Variants in FRMD8 observed in about 807,000 individuals in gnomAD.
FRMD8 encodes the protein FERM domain containing 8, also known as FERM domain-containing protein 8.
A neutral mutation model predicts 54.2 loss-of-function variants in FRMD8; 37 were observed. The observed-to-expected ratio is 0.68, with a 90% CI of 0.53 to 0.90. FRMD8 has a LOEUF of 0.90. Among genes scored for constraint, FRMD8 ranks in the 40% least tolerant of loss-of-function variants. The pLI, the probability that FRMD8 is intolerant of heterozygous loss-of-function variation, is 0.00. For synonymous variants in FRMD8, 246 were observed against 286.9 expected (o/e 0.86, Z 1.44); for missense variants, 585 against 653.7 (o/e 0.89, Z 1.15).
chr11:65,372,457 C>T, the FRMD8 span, among the ~76,000 whole-genome samples: 5 of 152,116 alleles, frequency 3.3e-5, no homozygotes, highest in Non-Finnish European at 7.3e-5. Flanking sequence ...CTGAGTCTGG[C>T]CACTCTCTCT....
At chr11:65,396,614 G>A (rs74371929) in intron 6 of FRMD8, among the ~76,000 whole-genome samples, 185 bp from the exon 7 acceptor site, 54 of 152,272 alleles carry the variant, frequency 3.5e-4, no homozygotes, top group African/African-American at 1.3e-3. Flanking sequence ...CCCTTCGGAG[G>A]GGGGCCGAGA....
intron 6 of FRMD8, among the ~76,000 whole-genome samples, chr11:65,395,465 G>C (rs1565602489): frequency 1.3e-5 from 2 of 152,202 alleles, no homozygotes; most frequent in African/African-American, 4.8e-5. Flanking sequence ...CTTGAACTTG[G>C]CAGATGGAGG....
At position 65,411,599 on chromosome 11, in the gene FRMD8, CT is replaced by C. The variant is rs1856335981; in HGVS notation, c.*240del. 2.4e-6 allele frequency: 1 copy of C among 415,004 alleles called. No homozygotes were observed. Among genetic ancestry groups the C allele is most frequent in the South Asian group, 4.5e-5 (1 of 22,032 alleles). The allele number at this position is 415,004 out of a possible 1,614,324, so 25.7% of individuals were successfully genotyped here. Reference sequence around the variant, plus strand: ...AGCCTGCCCTCCCTTCCCCCGGATGCTGGGCCCTGCTGCTCTCTCAGGACCA... The same window carrying C: ...AGCCTGCCCTCCCTTCCCCCGGATGCGGGCCCTGCTGCTCTCTCAGGACCA... On this transcript the variant is annotated 3_prime_UTR_variant, in exon 11 of 11. Coordinates refer to ENST00000317568, the MANE Select transcript of FRMD8 (RefSeq NM_031904.5).
chr11:65,376,335 A>G, the FRMD8 span: 4 of 1,551,840 alleles, frequency 2.6e-6, no homozygotes, highest in African/African-American at 1.4e-5. Context: ...CAAGCTTTCA[A>G]CCTGGCCTCC....
chr11:65,385,582 C>G (rs752810489), upstream of FRMD8, among the ~76,000 whole-genome samples: 7 of 152,158 alleles, frequency 4.6e-5, no homozygotes, highest in African/African-American at 7.2e-5. Context: ...TTCCACATCT[C>G]AGATGCACAC....
intron 2 of FRMD8, among the ~76,000 whole-genome samples, chr11:65,387,455 A>T (rs1021944127): frequency 6.6e-6 from 1 of 152,074 alleles, no homozygotes; most frequent in Non-Finnish European, 1.5e-5. Flanking sequence ...ACATGTGCCC[A>T]GGAGTTCGAG....
intron 10 of FRMD8, among the ~76,000 whole-genome samples, chr11:65,407,378 AGT>A (rs759965429): frequency 1.3e-5 from 2 of 151,646 alleles, no homozygotes; most frequent in Non-Finnish European, 1.5e-5. Context: ...CAGCCTCCCT[AGT>A]AGCTGGGATT....
At chr11:65,386,436 G>A (rs949956463), upstream of FRMD8, among the ~76,000 whole-genome samples, 4 of 152,350 alleles carry the variant, frequency 2.6e-5, no homozygotes, top group South Asian at 4.1e-4. Flanking sequence ...GGGCCTTTGT[G>A]AAGGGAAACT....
chr11:65,380,575 C>A, the FRMD8 span: 1 of 1,302,284 alleles, frequency 7.7e-7, no homozygotes, highest in Admixed American at 2.3e-5. Context: ...CTCATAATGT[C>A]GTCGCCGGGA....
chr11:65,375,667 A>AG, the FRMD8 span: 1 of 152,310 alleles, frequency 6.6e-6, no homozygotes, highest in East Asian at 1.9e-4. Context: ...ATTCTGGGGG[A>AG]GGAGACATAG....
In FRMD8 at chr11:65,411,320, A is replaced by G. The variant is rs1856325721; in HGVS notation, c.1355A>G (p.Tyr452Cys). 1 of 1,607,744 alleles carries G rather than the reference A, an allele frequency of 6.2e-7. No homozygotes were observed. The change falls in exon 11 of 11, where the codon TAC (tyrosine) becomes TGC (cysteine). Residue 452 changes from tyrosine to cysteine, a missense_variant. Transcript: ENST00000317568. Reference protein sequence around the residue: ...SRQLSLGQGSYTVVQPGDSLE... With the variant: ...SRQLSLGQGSCTVVQPGDSLE... ...CAGCTGTCCTTGGGCCAGGGGAGCT[A>G]CACCGTGGTGCAGCCCGGCGACAGC...
At chr11:65,407,665 C>T (rs1229739086) in intron 10 of FRMD8, among the ~76,000 whole-genome samples, 1 of 151,772 alleles carries the variant, frequency 6.6e-6, no homozygotes, top group Non-Finnish European at 1.5e-5. Flanking sequence ...CCAAGGTGGG[C>T]AGATCACGAG....
chr11:65,396,721 GC>G, intron 6 of FRMD8, 77 bp from the exon 7 acceptor site: 1 of 939,376 alleles, frequency 1.1e-6, no homozygotes, highest in East Asian at 3.1e-5. Flanking sequence ...CCTCCAGGCA[GC>G]CTTGCTTCCC....
chr11:65,400,902 G>A lies in FRMD8; in HGVS notation c.1071+35G>A. 6.4e-7 allele frequency: 1 copy of A among 1,557,132 alleles called. No homozygotes were observed. Among genetic ancestry groups the A allele is most frequent in the Non-Finnish European group, 8.7e-7 (1 of 1,150,712 alleles). ...GTGGTGCCTGCACACGGGTGGGGAG[G>A]CTGGGCCCAGGTGCCCTGGGTCCCA... On this transcript the variant is annotated intron_variant, in intron 9 of 10. Transcript: ENST00000317568. This position sits in a 1 kb window ranked among gnomAD's most constrained non-coding sequence, Gnocchi z 4.3.
At position 65,399,831 on chromosome 11, in the gene FRMD8, G is replaced by T. The variant is rs759790849; in HGVS notation, c.899G>T (p.Gly300Val). Residue 300 changes from glycine (G) to valine (V), a missense_variant, in exon 8 of 11, where the codon GGC (glycine) becomes GTC (valine). Coordinates refer to ENST00000317568, the MANE Select transcript of FRMD8 (RefSeq NM_031904.5). ...KPVSVAISLEGVHVIDSREKH... is the reference protein window; with the variant it reads ...KPVSVAISLEVVHVIDSREKH... The stretch of plus-strand genomic sequence containing the variant: ...GTTTCTGTGGCCATCAGTCTGGAAG[G>T]CGTGCACGTCATCGATAGCAGAGAG... 6.2e-7 allele frequency: 1 copy of T among 1,614,006 alleles called. No individual in the cohort carries two copies.
At chr11:65,382,216 C>T (rs1372983718), upstream of FRMD8, 11 of 540,290 alleles carry the variant, frequency 2.0e-5, no homozygotes, top group East Asian at 2.5e-4. The surrounding 1 kb of genome is among the most constrained non-coding windows in gnomAD (Gnocchi z 4.4). Context: ...TCCCCGAGCC[C>T]GGCCAATGAT....
intron 2 of FRMD8, among the ~76,000 whole-genome samples, chr11:65,388,386 G>C (rs1459520425): frequency 6.6e-6 from 1 of 152,154 alleles, no homozygotes; most frequent in Non-Finnish European, 1.5e-5. Flanking sequence ...ATAACAGACT[G>C]GGGGTCCGAG....
chr11:65,381,616 G>A, the FRMD8 span: 1 of 215,062 alleles, frequency 4.6e-6, no homozygotes, highest in Non-Finnish European at 8.6e-6. Flanking sequence ...CACCCAGGCT[G>A]GAGTGCAGTG....
intron 10 of FRMD8, among the ~76,000 whole-genome samples, chr11:65,406,180 A>G (rs1590660418): frequency 7.1e-6 from 1 of 140,606 alleles, no homozygotes; most frequent in Non-Finnish European, 1.5e-5. Flanking sequence ...GGTGTGTGCC[A>G]CCACACCCGG....
Sources: gnomAD v4.1 joint callset for allele counts (sites outside exome capture counted in the v4.1 genomes callset) on GRCh38, gnomAD v4.1.1 for gene constraint, Gnocchi (gnomAD v3.1) non-coding constraint, MANE v1.5 for transcripts, NCBI Gene and HGNC (gene_info 2026-07-23, HGNC 2026-07-21) for gene names.